The following PCLO variants were observed in gnomAD, a reference collection of about 807,000 sequenced individuals.
The protein encoded by PCLO is piccolo presynaptic cytomatrix protein, also known as protein piccolo.
In PCLO, 82 loss-of-function variants were observed where a neutral mutation model predicts 427.5. That is an observed-to-expected ratio of 0.19 (90% CI 0.16 to 0.23). PCLO has a LOEUF of 0.23. PCLO is among the 10% of genes least tolerant of loss of function. The pLI is 1.00. For missense variants in PCLO, 6,239 were observed against 6,115.9 expected (o/e 1.02, Z -0.67); for synonymous variants, 2,357 against 2,155.4 (o/e 1.09, Z -2.59).
chr7:83,052,077 A>C (rs1789269226), intron 3 of PCLO, among the ~76,000 whole-genome samples: 1 of 151,458 alleles, frequency 6.6e-6, no homozygotes, highest in Non-Finnish European at 1.5e-5. Context: ...GTAAAATGAT[A>C]AAACTCCTAG....
intron 7 of PCLO, among the ~76,000 whole-genome samples, chr7:82,912,640 G>A (rs75539675): frequency 0.01 from 1,575 of 151,718 alleles, 35 homozygotes; most frequent in African/African-American, 0.036. Flanking sequence ...AATTTTATAT[G>A]CTGCATGGTA....
chr7:83,043,700 C>T (rs1262485616), intron 3 of PCLO, among the ~76,000 whole-genome samples: 1 of 152,072 alleles, frequency 6.6e-6, no homozygotes, highest in Middle Eastern at 3.2e-3. Context: ...TTACACAGCT[C>T]TCAAAGCTTC....
intron 2 of PCLO, among the ~76,000 whole-genome samples, chr7:83,148,924 A>G (rs1478545821): frequency 2.0e-5 from 3 of 152,202 alleles, no homozygotes; most frequent in African/African-American, 7.2e-5. Context: ...TCAGTATCCA[A>G]GTAAGGACAG....
chr7:82,958,316 A>T lies in PCLO; in HGVS notation c.4018-1381T>A, dbSNP rs73385990. Among the ~76,000 whole-genome samples, 14 of 145,648 alleles carry T rather than the reference A, an allele frequency of 9.6e-5. 1 individual carries two copies. Among genetic ancestry groups the T allele is most frequent in the African/African-American group, 3.5e-4 (14 of 39,790 alleles). ...TTCCTCCTTCCTTCTTCCTTCCTTC[A>T]TCCTTCCTTCCTTCTTCCTTCCTTC... is the stretch of plus-strand genomic sequence containing the variant. On this transcript the variant is annotated intron_variant, in intron 4 of 24. Transcript: ENST00000333891.
chr7:83,120,517 C>T (rs1179182823), intron 3 of PCLO, among the ~76,000 whole-genome samples: 1 of 151,336 alleles, frequency 6.6e-6, no homozygotes, highest in Non-Finnish European at 1.5e-5. Context: ...AGATTTAACC[C>T]AAATAAGACT....
At chr7:83,053,393 G>GA (rs1418439026) in intron 3 of PCLO, among the ~76,000 whole-genome samples, 1 of 151,852 alleles carries the variant, frequency 6.6e-6, no homozygotes, top group East Asian at 1.9e-4. Context: ...CAATTACACA[G>GA]AATTCAAACC....
At chr7:83,158,513 C>G (rs960502654) in intron 1 of PCLO, among the ~76,000 whole-genome samples, 1 of 142,710 alleles carries the variant, frequency 7.0e-6, no homozygotes, top group Non-Finnish European at 1.6e-5. Flanking sequence ...TAACTTTAAG[C>G]AGAGTACCAA....
chr7:82,815,437 G>C (rs2115597805), intron 20 of PCLO, among the ~76,000 whole-genome samples: 1 of 152,082 alleles, frequency 6.6e-6, no homozygotes, highest in African/African-American at 2.4e-5. Context: ...GACCTATATA[G>C]AAAGACATTT....
rs1405733379 is a variant in PCLO at position 82,950,047 on chromosome 7, G to A, written c.10541C>T (p.Ser3514Phe). 10 of 1,612,392 alleles carry A rather than the reference G, an allele frequency of 6.2e-6. No individual in the cohort carries two copies. The Admixed American group carries it at 1.2e-4, about 19-fold the overall frequency. Residue 3514 changes from serine to phenylalanine, a missense_variant, in exon 6 of 25, where the codon TCC (serine) becomes TTC (phenylalanine). By Grantham distance (155) the Ser-to-Phe change is radical. This residue lies in a region of PCLO where 4,677 missense variants were observed against 4,468.4 expected (regional missense o/e 1.05). Transcript: ENST00000333891. ...TGCTACCGTTTGAACTGCTATGCTG[G>A]AGACTTTGGAAAGGGGTTTGGTCTT... ...ADKTKPLSKV[S>F]SIAVQTVAEI...
At position 82,944,549 on chromosome 7, in the gene PCLO, A is replaced by C. The variant is rs192112188; in HGVS notation, c.11112+4927T>G. On this transcript the variant is annotated intron_variant, in intron 6 of 24. Transcript: ENST00000333891. Reference sequence around the variant, plus strand: ...GCCATAGAGATAGAGTACTAATTTAAGACAGGTCAGTCAAGAAGACCTCAT... The same window carrying C: ...GCCATAGAGATAGAGTACTAATTTACGACAGGTCAGTCAAGAAGACCTCAT... Among the ~76,000 whole-genome samples the C allele has an allele frequency of 1.6e-3, 246 of 152,322 alleles. 3 individuals are homozygous for C. The highest frequency in any genetic ancestry group is 5.5e-3 in the African/African-American group (227 of 41,578).
chr7:83,126,924 G>T (rs1340573385), intron 3 of PCLO, among the ~76,000 whole-genome samples: 1 of 152,042 alleles, frequency 6.6e-6, no homozygotes, highest in African/African-American at 2.4e-5. Flanking sequence ...GAGATACATT[G>T]TTGGCAGGAC....
chr7:83,024,633 A>G (rs935233849), intron 3 of PCLO, among the ~76,000 whole-genome samples: 6 of 152,206 alleles, frequency 3.9e-5, no homozygotes, highest in East Asian at 3.9e-4. Context: ...CTGCCTCTGT[A>G]GGCTCCACCT....
chr7:82,848,521 G>C (rs1195131933), intron 10 of PCLO, among the ~76,000 whole-genome samples: 1 of 151,600 alleles, frequency 6.6e-6, no homozygotes, highest in East Asian at 1.9e-4. Context: ...ATGTTGGCCA[G>C]GCTGGTCTCA....
intron 22 of PCLO, among the ~76,000 whole-genome samples, chr7:82,769,416 GTGAC>G (rs1790600972): frequency 6.6e-6 from 1 of 152,044 alleles, no homozygotes; most frequent in South Asian, 2.1e-4. Flanking sequence ...AACATGAAAA[GTGAC>G]TATTAATTGA....
intron 10 of PCLO, among the ~76,000 whole-genome samples, chr7:82,877,503 T>A (rs1047271752): frequency 3.3e-5 from 5 of 152,164 alleles, no homozygotes; most frequent in African/African-American, 1.2e-4. Flanking sequence ...AAATTATCAT[T>A]GGGCGTGAAA....
intron 9 of PCLO, 53 bp downstream of exon 9, chr7:82,902,588 GCAAAACAAAA>G (rs148901157): frequency 2.2e-5 from 20 of 901,860 alleles, no homozygotes; most frequent in East Asian, 2.1e-4. Flanking sequence ...ATAAAAAAAT[GCAAAACAAAA>G]CAAAACAAAA....
chr7:82,999,676 A>G (rs1382388131), intron 3 of PCLO, among the ~76,000 whole-genome samples: 1 of 22,070 alleles, frequency 4.5e-5, no homozygotes, highest in Non-Finnish European at 6.2e-5. Flanking sequence ...TATAAAATAT[A>G]TTATATATAA....
intron 1 of PCLO, among the ~76,000 whole-genome samples, chr7:83,161,167 A>T (rs1728421600): frequency 6.6e-6 from 1 of 152,196 alleles, no homozygotes; most frequent in African/African-American, 2.4e-5. Context: ...CACTATCCAT[A>T]AAACATTTTA....
intron 3 of PCLO, among the ~76,000 whole-genome samples, chr7:83,071,207 C>T (rs1241013702): frequency 6.6e-6 from 1 of 152,102 alleles, no homozygotes; most frequent in Non-Finnish European, 1.5e-5. Flanking sequence ...GGCAGTAACT[C>T]CCTATTCCTC....
Sources: allele counts gnomAD v4.1 joint callset (sites outside exome capture counted in the v4.1 genomes callset), GRCh38; gene constraint gnomAD v4.1.1; regional missense constraint gnomAD v4.1.1; transcripts MANE v1.5; gene names NCBI Gene and HGNC (gene_info 2026-07-23, HGNC 2026-07-21).